IQSEC3: variants seen among roughly 807,000 people sequenced by gnomAD.
IQSEC3 encodes the protein IQ motif and Sec7 domain ArfGEF 3.
In IQSEC3, 50 loss-of-function variants were observed where a neutral mutation model predicts 105.4. That is an observed-to-expected ratio of 0.47 (90% confidence interval 0.38 to 0.60). The LOEUF is 0.60. Ranked by LOEUF, IQSEC3 falls within the 20% of genes least tolerant of loss-of-function variation. The probability of loss-of-function intolerance (pLI) is 0.00; values close to 1 mark genes in which losing one functional copy is unlikely to be tolerated. For missense variants in IQSEC3, 1,415 were observed against 1,630.0 expected (o/e 0.87, Z 2.27); for synonymous variants, 708 against 746.0 (o/e 0.95, Z 0.83).
chr12:125,520 C>A, intron 2 of IQSEC3, 113 bp from the exon 3 acceptor site: 2 of 1,118,200 alleles, frequency 1.8e-6, no homozygotes, highest in Non-Finnish European at 2.4e-6. Context: ...CCCCTCCAGT[C>A]CTTGCCACAG....
At chr12:70,593 A>G (rs1555067226) in intron 1 of IQSEC3, among the ~76,000 whole-genome samples, 2 of 152,266 alleles carry the variant, frequency 1.3e-5, no homozygotes, top group African/African-American at 4.8e-5. Context: ...AGAATTTATT[A>G]CTATCCCTTT....
At chr12:116,362 C>T (rs1865048441) in intron 2 of IQSEC3, among the ~76,000 whole-genome samples, 1 of 152,192 alleles carries the variant, frequency 6.6e-6, no homozygotes, top group Non-Finnish European at 1.5e-5. Flanking sequence ...CTCAGGGACC[C>T]CAAAGGCACT....
At chr12:142,013 C>G (rs1220397913) in intron 5 of IQSEC3, 5 of 152,332 alleles carry the variant, frequency 3.3e-5, no homozygotes, top group African/African-American at 1.2e-4. Flanking sequence ...GCTACTCCTT[C>G]CCTGGGACAT....
intron 9 of IQSEC3, 123 bp from the exon 10 acceptor site, chr12:165,311 C>T (rs2137057005): frequency 2.7e-6 from 2 of 739,092 alleles, no homozygotes; most frequent in East Asian, 2.4e-5. Context: ...TATATCTGTA[C>T]CTGTATGTGC....
At chr12:85,078 G>A (rs1355936109) in intron 1 of IQSEC3, among the ~76,000 whole-genome samples, 2 of 152,158 alleles carry the variant, frequency 1.3e-5, no homozygotes, top group African/African-American at 2.4e-5. Context: ...TTTTTCCATG[G>A]GATTACTCTT....
intron 5 of IQSEC3, chr12:141,992 G>C (rs1214569185): frequency 6.6e-6 from 1 of 152,344 alleles, no homozygotes; most frequent in African/African-American, 2.4e-5. Context: ...CTGAGGCTGA[G>C]GGGCCTTGCA....
intron 3 of IQSEC3, among the ~76,000 whole-genome samples, chr12:134,208 T>C (rs559064628): frequency 2.0e-5 from 3 of 152,380 alleles, no homozygotes; most frequent in East Asian, 1.9e-4. Flanking sequence ...TACACACTCA[T>C]TGAAGGCCCA....
At chr12:126,768 C>G (rs1865429645) in intron 3 of IQSEC3, among the ~76,000 whole-genome samples, 2 of 152,172 alleles carry the variant, frequency 1.3e-5, no homozygotes, top group Non-Finnish European at 1.5e-5. Flanking sequence ...CTCCAAGGTC[C>G]CTTCTGCCCC....
intron 5 of IQSEC3, among the ~76,000 whole-genome samples, chr12:153,663 C>T (rs567285675): frequency 9.9e-5 from 15 of 152,284 alleles, no homozygotes; most frequent in East Asian, 1.9e-4. Context: ...GAAGGCAGGA[C>T]GGCAGGTGCA....
At chr12:107,709 C>T (rs1174672412) in intron 2 of IQSEC3, among the ~76,000 whole-genome samples, 6 of 152,232 alleles carry the variant, frequency 3.9e-5, no homozygotes, top group Middle Eastern at 3.4e-3. Flanking sequence ...CGCGCCCGGC[C>T]GGTAGTCTGT....
intron 5 of IQSEC3, among the ~76,000 whole-genome samples, chr12:155,726 C>A (rs1286329334): frequency 6.6e-6 from 1 of 152,170 alleles, no homozygotes; most frequent in Admixed American, 6.5e-5. Flanking sequence ...CAGGGCCACT[C>A]AGCAGGCGTT....
intron 5 of IQSEC3, 139 bp from the exon 6 acceptor site, chr12:156,886 C>A: frequency 9.5e-7 from 1 of 1,051,486 alleles, no homozygotes; most frequent in Non-Finnish European, 1.3e-6. Context: ...CCTCTTGGGG[C>A]ATTAAAGGGC....
intron 2 of IQSEC3, 107 bp downstream of exon 2, chr12:99,321 T>C: frequency 2.0e-6 from 2 of 1,012,468 alleles, no homozygotes; most frequent in Non-Finnish European, 1.5e-6. Context: ...TTGAGTCTCA[T>C]GTGGGGTAAT....
At chr12:131,165 AATT>A (rs1555085012) in intron 3 of IQSEC3, among the ~76,000 whole-genome samples, 2 of 151,968 alleles carry the variant, frequency 1.3e-5, no homozygotes, top group Non-Finnish European at 2.9e-5. Context: ...GGCACGTTCT[AATT>A]AACACTGAGA....
In IQSEC3 at chr12:138,967, G is replaced by T. The variant is rs782343519; in HGVS notation, c.1604G>T (p.Arg535Leu). The change falls in exon 4 of 14, where the codon CGG becomes CTG. Residue 535 changes from arginine to leucine, a missense_variant. Transcript: ENST00000538872. The surrounding 1 kb of genome is among the most constrained non-coding windows in gnomAD (Gnocchi z 7.1). ...GCCGAGCAGGGCGAGACCTCTGGGC[G>T]GGAGGCCCCGGAAGCCCCCGCCGTG... ...GKAEQGETSG[R>L]EAPEAPAVGR... is the part of the protein sequence containing the mutation. 2 of 1,549,568 alleles carry T rather than the reference G, an allele frequency of 1.3e-6. No homozygotes were observed. Among genetic ancestry groups the T allele is most frequent in the East Asian group, 4.8e-5 (2 of 41,792 alleles).
At chr12:75,285 G>T (rs1229008768) in intron 1 of IQSEC3, among the ~76,000 whole-genome samples, 6 of 152,238 alleles carry the variant, frequency 3.9e-5, no homozygotes, top group Non-Finnish European at 7.3e-5. Context: ...GGAGCTGAAG[G>T]GCTCATGAGG....
Position 67,392 on chromosome 12 carries a change from A to T in IQSEC3, c.510A>T (p.Lys170Asn). The T allele has an allele frequency of 6.3e-7, 1 of 1,597,842 alleles. No homozygotes were observed. The highest frequency in any genetic ancestry group is 8.5e-7 in the Non-Finnish European group (1 of 1,179,526). ...CAAAGALLQH[K>N]SPSALGKGVL... ...CTGCCGGAGCCCTCCTTCAGCACAA[A>T]TCCCCCTCCGCCCTCGGCAAGGGCG... Residue 170 changes from lysine (K) to asparagine (N), a missense_variant, in exon 1 of 14, where the codon AAA becomes AAT. Around this residue, in one of 6 missense-constraint regions of IQSEC3, gnomAD observed 26 missense variants for 108.1 expected, o/e 0.24. Transcript: ENST00000538872.
intron 5 of IQSEC3, among the ~76,000 whole-genome samples, chr12:154,965 G>T (rs1866637590): frequency 6.6e-6 from 1 of 152,026 alleles, no homozygotes; most frequent in South Asian, 2.1e-4. Flanking sequence ...CTTGCTGCGT[G>T]ACCATGCTGG....
chr12:95,595 C>T (rs972014367), intron 1 of IQSEC3, among the ~76,000 whole-genome samples: 3 of 152,186 alleles, frequency 2.0e-5, no homozygotes, highest in Non-Finnish European at 2.9e-5. Context: ...TTTCCCTGCT[C>T]TCATCTGCTG....
Sources: gnomAD v4.1 joint callset for allele counts (sites outside exome capture counted in the v4.1 genomes callset) on GRCh38, gnomAD v4.1.1 for gene constraint, gnomAD v4.1.1 regional missense constraint, Gnocchi (gnomAD v3.1) non-coding constraint, MANE v1.5 for transcripts, NCBI Gene and HGNC (gene_info 2026-07-23, HGNC 2026-07-21) for gene names.